Variants in RBX1 observed in about 807,000 individuals in gnomAD.
The protein encoded by RBX1 is ring-box 1.
For synonymous variants in RBX1, 48 were observed against 47.9 expected (o/e 1.00, Z -0.01); for missense variants, 46 against 141.4 (o/e 0.33, Z 3.42).
Position 40,972,732 on chromosome 22 carries a change from A to G in RBX1, c.*244A>G. ...GAAGAGTCTCCCCTTCCAAGGCTGA[A>G]AACTCAGCTTTTGAAAGTGAAATGT... is the stretch of plus-strand genomic sequence containing the variant. On this transcript the variant is annotated 3_prime_UTR_variant, in exon 5 of 5. Coordinates refer to ENST00000216225, the MANE Select transcript of RBX1 (RefSeq NM_014248.4). 1 of 458,224 alleles carries G rather than the reference A, an allele frequency of 2.2e-6. No homozygotes were observed. The highest frequency in any genetic ancestry group is 4.0e-6 in the Non-Finnish European group (1 of 250,272). 28.4% of individuals were successfully genotyped at this position (458,224 alleles called of 1,614,324 possible). A position where few individuals can be genotyped will look rare whatever the true frequency, so the allele number is the denominator to read the frequency against.
chr22:40,964,318 C>G, intron 3 of RBX1: 1 of 458,264 alleles, frequency 2.2e-6, no homozygotes, highest in Non-Finnish European at 3.9e-6. Context: ...CAAAGAGGCA[C>G]TTATTTGTCT....
intron 3 of RBX1, chr22:40,966,258 A>ATCCAT (rs2058354125): frequency 6.6e-6 from 1 of 152,170 alleles, no homozygotes; most frequent in Non-Finnish European, 1.5e-5. Context: ...CGCTAAATAT[A>ATCCAT]TCCATTAATA....
chr22:40,971,951 A>G (rs532142662), intron 4 of RBX1, among the ~76,000 whole-genome samples: 2 of 152,294 alleles, frequency 1.3e-5, no homozygotes, highest in East Asian at 3.9e-4. Context: ...TTCTCTTTGT[A>G]TAGAACTGAC....
At chr22:40,955,884 A>T (rs2058324125) in intron 2 of RBX1, among the ~76,000 whole-genome samples, 1 of 152,172 alleles carries the variant, frequency 6.6e-6, no homozygotes, top group African/African-American at 2.4e-5. Context: ...GATGCCGTGA[A>T]CCCATCACAG....
rs34618218 is a variant in RBX1, at chr22:40,952,983, CTTTTTTTTTTTT to C, written c.79-558_79-547del. 1.8e-4 allele frequency among the ~76,000 whole-genome samples: 16 copies of C among 86,900 alleles called. No individual in the cohort carries two copies. The South Asian group carries it at 4.7e-3, about 26-fold the overall frequency. The allele number at this position is 86,900 out of a possible 152,430, so 57.0% of individuals were successfully genotyped here. On this transcript the variant is annotated intron_variant, in intron 1 of 4. Coordinates refer to ENST00000216225, the MANE Select transcript of RBX1 (RefSeq NM_014248.4). ...CTGCACAGAAATTCAAGTTTGTGCC[CTTTTTTTTTTTT>C]TTTTTTTTTTTTTGAGATGGAGTCT...
intron 4 of RBX1, among the ~76,000 whole-genome samples, chr22:40,971,915 C>T (rs1368774878): frequency 6.6e-6 from 1 of 152,092 alleles, no homozygotes; most frequent in African/African-American, 2.4e-5. Context: ...AAAACAGAAA[C>T]CTCCAAAATC....
intron 2 of RBX1, among the ~76,000 whole-genome samples, chr22:40,954,335 T>A (rs1208646897): frequency 8.5e-6 from 1 of 118,118 alleles, no homozygotes; most frequent in East Asian, 3.0e-4. Flanking sequence ...GAAAGAAGCG[T>A]TAAGGAGTGA....
intron 2 of RBX1, among the ~76,000 whole-genome samples, chr22:40,963,055 T>C (rs1170335683): frequency 2.0e-5 from 3 of 148,954 alleles, no homozygotes; most frequent in Admixed American, 1.3e-4. Flanking sequence ...TTGGGTGGGC[T>C]AGTCTTGAAC....
chr22:40,967,900 T>G lies in RBX1; in HGVS notation c.314+16T>G. 2 of 1,578,872 alleles carry G rather than the reference T, an allele frequency of 1.3e-6. No individual in the cohort carries two copies. The highest frequency in any genetic ancestry group is 1.7e-6 in the Non-Finnish European group (2 of 1,148,034). ...AATTCCAAAAGTAGGTATCTTTGGT[T>G]GTTTTGACGGGGCTTTTTGACTTGC... On this transcript the variant is annotated intron_variant, in intron 4 of 4. Coordinates refer to ENST00000216225, the MANE Select transcript of RBX1 (RefSeq NM_014248.4).
chr22:40,963,386 A>G (rs889226546), intron 2 of RBX1, among the ~76,000 whole-genome samples: 1 of 151,974 alleles, frequency 6.6e-6, no homozygotes, highest in Non-Finnish European at 1.5e-5. Flanking sequence ...CTGTAATCCC[A>G]GCACTTTGGG....
At chr22:40,970,369 A>C (rs1288835031) in intron 4 of RBX1, among the ~76,000 whole-genome samples, 1 of 151,804 alleles carries the variant, frequency 6.6e-6, no homozygotes, top group Non-Finnish European at 1.5e-5. Context: ...AAAAAAAGGA[A>C]TGTATATTTT....
intron 4 of RBX1, among the ~76,000 whole-genome samples, chr22:40,970,576 A>G (rs994060555): frequency 1.3e-5 from 2 of 152,146 alleles, no homozygotes; most frequent in Admixed American, 6.6e-5. Context: ...AAGATTGGGC[A>G]ATTGTTCATG....
chr22:40,953,787 G>C (rs1024125873), intron 2 of RBX1, among the ~76,000 whole-genome samples, 154 bp downstream of exon 2: 1 of 152,070 alleles, frequency 6.6e-6, no homozygotes, highest in Non-Finnish European at 1.5e-5. Flanking sequence ...GTTTGAAATA[G>C]AGTAGTTTTT....
At chr22:40,958,619 A>AT (rs1363435363) in intron 2 of RBX1, among the ~76,000 whole-genome samples, 1 of 152,006 alleles carries the variant, frequency 6.6e-6, no homozygotes, top group African/African-American at 2.4e-5. Context: ...CCTTGGTTGT[A>AT]TTAAGGAGTT....
chr22:40,972,729 T>G lies in RBX1; in HGVS notation c.*241T>G. 1 of 463,068 alleles carries G rather than the reference T, an allele frequency of 2.2e-6. No individual in the cohort carries two copies. The allele number at this position is 463,068 out of a possible 1,614,324, so 28.7% of individuals were successfully genotyped here. On this transcript the variant is annotated 3_prime_UTR_variant, in exon 5 of 5. Coordinates refer to ENST00000216225, the MANE Select transcript of RBX1 (RefSeq NM_014248.4). The stretch of plus-strand genomic sequence containing the variant: ...AATGAAGAGTCTCCCCTTCCAAGGC[T>G]GAAAACTCAGCTTTTGAAAGTGAAA...
chr22:40,953,223 T>C (rs746454119), intron 1 of RBX1, among the ~76,000 whole-genome samples: 2 of 152,124 alleles, frequency 1.3e-5, no homozygotes, highest in Non-Finnish European at 2.9e-5. Flanking sequence ...ACTCCTGACC[T>C]CAGTGATCGG....
chr22:40,953,698 T>G, intron 2 of RBX1, 65 bp downstream of exon 2: 1 of 1,133,258 alleles, frequency 8.8e-7, no homozygotes, highest in Admixed American at 1.7e-5. Context: ...TATCTTGATG[T>G]GACTGATTTT....
intron 3 of RBX1, chr22:40,966,550 A>C (rs1047968638): frequency 1.3e-5 from 2 of 152,202 alleles, no homozygotes; most frequent in African/African-American, 4.8e-5. Flanking sequence ...AGTCAGCTGA[A>C]AAGGGATCTT....
intron 1 of RBX1, among the ~76,000 whole-genome samples, chr22:40,951,746 G>T (rs1207487087): frequency 6.9e-6 from 1 of 145,230 alleles, no homozygotes; most frequent in Non-Finnish European, 1.5e-5. Context: ...TTGGCGGCGG[G>T]AGCCAAGCGC....
Sources: gnomAD v4.1 joint callset for allele counts (sites outside exome capture counted in the v4.1 genomes callset) on GRCh38, gnomAD v4.1.1 for gene constraint, MANE v1.5 for transcripts, NCBI Gene and HGNC (gene_info 2026-07-23, HGNC 2026-07-21) for gene names.